Variants in FANCA observed in about 807,000 individuals in gnomAD.
FANCA encodes the protein FA complementation group A, also known as Fanconi anemia group A protein.
In FANCA, 236 loss-of-function variants were observed where a neutral mutation model predicts 194.3. The observed-to-expected ratio is 1.21, with a 90% CI of 1.09 to 1.35. The LOEUF (loss-of-function observed/expected upper bound fraction) is 1.35, where lower values mean the gene tolerates loss of function less well. FANCA is among the 40% of genes most tolerant of loss of function. The probability of loss-of-function intolerance (pLI) is 0.00; values close to 1 mark genes in which losing one functional copy is unlikely to be tolerated. For missense variants in FANCA, 2,628 were observed against 1,813.9 expected, an observed-to-expected ratio of 1.45 and a Z score of -8.15; for synonymous variants, 1,014 against 715.8, an observed-to-expected ratio of 1.42 and a Z score of -6.65.
intron 28 of FANCA, chr16:89,762,569 G>GA (rs59550802): frequency 0.3 from 51,516 of 173,538 alleles, 8,899 homozygotes; most frequent in East Asian, 0.67. Flanking sequence ...CTATAAAAAG[G>GA]AAAAAAAAAA....
At chr16:89,756,253 G>C (rs774679304) in intron 30 of FANCA, among the ~76,000 whole-genome samples, 1 of 152,174 alleles carries the variant, frequency 6.6e-6, no homozygotes, top group African/African-American at 2.4e-5. Flanking sequence ...TAAGAAAATG[G>C]AAAGATGTTC....
intron 8 of FANCA, among the ~76,000 whole-genome samples, chr16:89,801,611 C>T (rs184692911): frequency 6.6e-6 from 1 of 152,206 alleles, no homozygotes; most frequent in East Asian, 1.9e-4. Context: ...TCACTTTCAC[C>T]AGGCATGGTG....
intron 8 of FANCA, among the ~76,000 whole-genome samples, chr16:89,801,349 A>G (rs2040447098): frequency 6.6e-6 from 1 of 151,724 alleles, no homozygotes; most frequent in Admixed American, 6.6e-5. Flanking sequence ...GTCTCAAAAA[A>G]AAAAAAAAAA....
intron 17 of FANCA, 147 bp from the exon 18 acceptor site, chr16:89,780,104 G>T: frequency 7.8e-6 from 6 of 766,292 alleles, no homozygotes; most frequent in East Asian, 5.3e-5. Flanking sequence ...GCGCACAGCA[G>T]GGGCCCTGGA....
At chr16:89,798,756 G>A (rs1490477690) in intron 10 of FANCA, 1 of 1,375,970 alleles carries the variant, frequency 7.3e-7, no homozygotes, top group East Asian at 2.8e-5. Context: ...CCAGGCAGCG[G>A]GAGTCTGTAG....
intron 14 of FANCA, among the ~76,000 whole-genome samples, chr16:89,785,979 A>G (rs2039883463): frequency 7.2e-6 from 1 of 139,308 alleles, no homozygotes; most frequent in African/African-American, 2.8e-5. Flanking sequence ...CCTCCCTAGT[A>G]GCTGAGATTA....
chr16:89,798,944 G>C, intron 10 of FANCA: 1 of 1,609,906 alleles, frequency 6.2e-7, no homozygotes, highest in Non-Finnish European at 8.5e-7. Flanking sequence ...TACTGCAGTG[G>C]GCGCACCTTC....
At chr16:89,780,022 A>C (rs1271522693) in intron 17 of FANCA, 65 bp from the exon 18 acceptor site, 1 of 1,387,018 alleles carries the variant, frequency 7.2e-7, no homozygotes, top group Non-Finnish European at 1.0e-6. Flanking sequence ...CTGAGCAGTG[A>C]AGGCCACACT....
At chr16:89,759,237 A>G (rs976181264) in intron 29 of FANCA, among the ~76,000 whole-genome samples, 5 of 138,278 alleles carry the variant, frequency 3.6e-5, no homozygotes, top group Non-Finnish European at 7.7e-5. Context: ...GGAGAATGGT[A>G]TGAACCTGGG....
intron 35 of FANCA, among the ~76,000 whole-genome samples, chr16:89,745,888 CA>C (rs1456882692): frequency 3.3e-5 from 5 of 152,236 alleles, no homozygotes; most frequent in Admixed American, 3.3e-4. Context: ...GCGTTCTAAA[CA>C]CCGAAGAGTT....
intron 2 of FANCA, among the ~76,000 whole-genome samples, chr16:89,815,217 A>G (rs556579311): frequency 2.7e-4 from 41 of 151,872 alleles, no homozygotes; most frequent in Non-Finnish European, 4.9e-4. Flanking sequence ...TTGTATTTTA[A>G]GTAGTGACGG....
In FANCA at chr16:89,738,679, T is replaced by C; in HGVS notation, c.4290A>G (p.Pro1430=). 1 of 1,613,918 alleles carries C rather than the reference T, an allele frequency of 6.2e-7. No individual in the cohort carries two copies. Among genetic ancestry groups the C allele is most frequent in the Non-Finnish European group, 8.5e-7 (1 of 1,180,010 alleles). ...ELLADRGDCD[P]EVSAALQSRQ... is the part of the protein sequence containing the mutation. ...TGCTCTGGAGGGCGGCGCTCACCTC[T>C]GGGTCGCAGTCCCCACGATCAGCCA... Residue 1430 remains proline, a synonymous_variant, in exon 43 of 43, where the codon CCA becomes CCG. Coordinates refer to ENST00000389301, the MANE Select transcript of FANCA (RefSeq NM_000135.4).
intron 14 of FANCA, chr16:89,790,922 C>G (rs915686324): frequency 5.0e-6 from 1 of 199,770 alleles, no homozygotes; most frequent in African/African-American, 2.4e-5. Context: ...CTTGATCTCC[C>G]AGGCTCAAGT....
chr16:89,787,726 G>T (rs144723221), intron 14 of FANCA, among the ~76,000 whole-genome samples: 1 of 151,740 alleles, frequency 6.6e-6, no homozygotes, highest in African/African-American at 2.4e-5. Flanking sequence ...ACAGAACAGA[G>T]ACCTTGCCTC....
Position 89,773,270 on chromosome 16 carries a change from C to G in FANCA, c.2014+1G>C, listed in dbSNP as rs1598116164. ...CAGCATGAGCTCCCATCCATCCTCACCATCACGCTGGCTGGGGTCTGTCAT... is the reference window on the plus strand; with the variant it reads ...CAGCATGAGCTCCCATCCATCCTCAGCATCACGCTGGCTGGGGTCTGTCAT... On this transcript the variant is annotated splice_donor_variant, in intron 22 of 42. Coordinates refer to ENST00000389301, the MANE Select transcript of FANCA (RefSeq NM_000135.4). LOFTEE classifies it high-confidence loss of function. The G allele has an allele frequency of 2.6e-6, 4 of 1,548,788 alleles. No individual in the cohort carries two copies. The highest frequency in any genetic ancestry group is 3.5e-6 in the Non-Finnish European group (4 of 1,145,020).
intron 3 of FANCA, among the ~76,000 whole-genome samples, chr16:89,813,193 T>C (rs1050406006): frequency 6.6e-6 from 1 of 151,516 alleles, no homozygotes; most frequent in African/African-American, 2.4e-5. Context: ...GGTAAACTGA[T>C]TGCTTGAGCT....
intron 5 of FANCA, among the ~76,000 whole-genome samples, chr16:89,808,952 C>A (rs2040770210): frequency 6.6e-6 from 1 of 151,866 alleles, no homozygotes; most frequent in Non-Finnish European, 1.5e-5. Flanking sequence ...GTCACCCAGG[C>A]TGGAGTGCAG....
intron 6 of FANCA, among the ~76,000 whole-genome samples, chr16:89,805,946 CTT>C (rs925063161): frequency 7.4e-5 from 11 of 149,394 alleles, no homozygotes; most frequent in African/African-American, 2.5e-4. Context: ...CAGTTTTGCT[CTT>C]GTCATCCAGG....
rs142377616 is a variant in FANCA, at chr16:89,752,173, G to A, written c.3031C>T (p.Arg1011Cys). ...GAAATAATATCCTCATTTCCTGTGC[G>A]GCCACCAAAGACCAAATCAGAATTT... ...SENSDLVFGG[R>C]TGNEDIISRL... The change falls in exon 31 of 43, where the codon CGC becomes TGC. Residue 1011 changes from arginine to cysteine, a missense_variant. Arg to Cys is a radical substitution (Grantham distance 180). Transcript: ENST00000389301. 118 of 1,614,036 alleles carry A rather than the reference G, an allele frequency of 7.3e-5. No homozygotes were observed. In the East Asian group the frequency reaches 1.1e-3, roughly 15 times the overall value.
Sources: gnomAD v4.1 joint callset for allele counts (sites outside exome capture counted in the v4.1 genomes callset) on GRCh38, gnomAD v4.1.1 for gene constraint, MANE v1.5 for transcripts, NCBI Gene and HGNC (gene_info 2026-07-23, HGNC 2026-07-21) for gene names.